VAT1L: variants seen among roughly 807,000 people sequenced by gnomAD.
VAT1L encodes vesicle amine transport 1 like.
VAT1L carries 34 observed loss-of-function variants against 44.1 expected under a neutral mutation model. The ratio of observed to expected loss-of-function variants is 0.77; its 90% confidence interval spans 0.59 to 1.03. VAT1L has a LOEUF of 1.03. Ranked by LOEUF, VAT1L falls within the 50% of genes least tolerant of loss-of-function variation. The pLI is 0.00. For missense variants in VAT1L, 615 were observed against 538.8 expected (o/e 1.14, Z -1.40); for synonymous variants, 253 against 202.2 (o/e 1.25, Z -2.13).
At chr16:77,866,588 C>G (rs1028510035) in intron 4 of VAT1L, among the ~76,000 whole-genome samples, 1 of 147,592 alleles carries the variant, frequency 6.8e-6, no homozygotes, top group South Asian at 2.1e-4. Context: ...GATATTGTTA[C>G]GCTATTAGGT....
At chr16:77,818,413 G>A (rs992491080) in intron 2 of VAT1L, among the ~76,000 whole-genome samples, 16 of 151,926 alleles carry the variant, frequency 1.1e-4, no homozygotes, top group African/African-American at 3.4e-4. Flanking sequence ...TCTTTTATAC[G>A]AATTTACATT....
chr16:77,959,128 C>T (rs7185055), intron 7 of VAT1L, among the ~76,000 whole-genome samples: 13,140 of 152,242 alleles, frequency 0.086, 659 homozygotes, highest in African/African-American at 0.12. Flanking sequence ...GTCACCTCCT[C>T]TGCCCCACCC....
At position 77,884,552 on chromosome 16, in the gene VAT1L, T is replaced by C. The variant is rs2017189126; in HGVS notation, c.883-56T>C. 2 of 1,556,406 alleles carry C rather than the reference T, an allele frequency of 1.3e-6. No individual in the cohort carries two copies. Among genetic ancestry groups the C allele is most frequent in the African/African-American group, 1.4e-5 (1 of 73,130 alleles). ...CTGATGACATCAGCAATGCTGCCAA[T>C]GTAGGCTTAACCCCGGTATTGAGTT... On this transcript the variant is annotated intron_variant, in intron 6 of 8. Transcript: ENST00000302536. This position sits in a 1 kb window ranked among gnomAD's most constrained non-coding sequence, Gnocchi z 4.5.
At chr16:77,859,964 T>G (rs1222848227) in intron 3 of VAT1L, among the ~76,000 whole-genome samples, 1 of 151,804 alleles carries the variant, frequency 6.6e-6, no homozygotes, top group African/African-American at 2.4e-5. Context: ...GGCAATCGAG[T>G]TAAATTGAGG....
At chr16:77,916,628 A>G (rs1220320455) in intron 7 of VAT1L, among the ~76,000 whole-genome samples, 1 of 152,166 alleles carries the variant, frequency 6.6e-6, no homozygotes, top group Non-Finnish European at 1.5e-5. Context: ...CTGAGCGTTA[A>G]AAATATACAT....
intron 3 of VAT1L, among the ~76,000 whole-genome samples, chr16:77,860,230 G>C (rs2016902385): frequency 6.6e-6 from 1 of 152,180 alleles, no homozygotes; most frequent in Non-Finnish European, 1.5e-5. Context: ...AAGCCACTGG[G>C]TCAGTAGAAC....
Position 77,933,621 on chromosome 16 carries a change from G to A in VAT1L, c.1078-38229G>A, listed in dbSNP as rs185950780. Among the ~76,000 whole-genome samples, 558 of 152,312 alleles carry A rather than the reference G, an allele frequency of 3.7e-3. 1 individual carries two copies. Among genetic ancestry groups the A allele is most frequent in the Non-Finnish European group, 6.3e-3 (426 of 68,020 alleles). ...GGGGAAGGCAGGTATTTTGAATAGG[G>A]GAGTCAGGCAAAGCCTGAAGAGGTG... On this transcript the variant is annotated intron_variant, in intron 7 of 8. Transcript: ENST00000302536.
intron 7 of VAT1L, among the ~76,000 whole-genome samples, chr16:77,919,641 A>T (rs1375114915): frequency 2.0e-5 from 3 of 152,198 alleles, no homozygotes; most frequent in Non-Finnish European, 4.4e-5. Context: ...GATGACTGTG[A>T]TAGAGAAGGA....
intron 7 of VAT1L, among the ~76,000 whole-genome samples, chr16:77,923,192 T>A (rs1192649474): frequency 6.6e-6 from 1 of 152,208 alleles, no homozygotes; most frequent in Non-Finnish European, 1.5e-5. Context: ...GGCTCACGCC[T>A]GTAATTGCAG....
chr16:77,956,667 T>A (rs1444664875), intron 7 of VAT1L, among the ~76,000 whole-genome samples: 1 of 152,208 alleles, frequency 6.6e-6, no homozygotes, highest in Non-Finnish European at 1.5e-5. Flanking sequence ...GAGCCTATAG[T>A]TTGCTCCTCC....
At chr16:77,802,666 A>G (rs1174951513) in intron 1 of VAT1L, among the ~76,000 whole-genome samples, 1 of 131,770 alleles carries the variant, frequency 7.6e-6, no homozygotes, top group Non-Finnish European at 1.6e-5. Context: ...ACACACACAC[A>G]CACTAAAGTT....
chr16:77,804,003 C>T (rs1022660848), intron 1 of VAT1L, among the ~76,000 whole-genome samples: 10 of 152,148 alleles, frequency 6.6e-5, no homozygotes, highest in African/African-American at 2.4e-4. Context: ...GACTCTTGTA[C>T]AGCCTCCTCT....
intron 7 of VAT1L, among the ~76,000 whole-genome samples, chr16:77,961,628 T>C (rs565903259): frequency 6.6e-6 from 1 of 152,306 alleles, no homozygotes; most frequent in South Asian, 2.1e-4. Flanking sequence ...TCATTCTTTC[T>C]CTTAAGCCCC....
intron 7 of VAT1L, among the ~76,000 whole-genome samples, chr16:77,946,170 G>C (rs920412477): frequency 1.7e-4 from 26 of 150,202 alleles, no homozygotes; most frequent in African/African-American, 6.1e-4. Context: ...TTTCCCTCTT[G>C]TACACTCATA....
At chr16:77,938,274 A>G (rs1160647575) in intron 7 of VAT1L, among the ~76,000 whole-genome samples, 1 of 152,222 alleles carries the variant, frequency 6.6e-6, no homozygotes, top group Non-Finnish European at 1.5e-5. Context: ...TCCTGATTCA[A>G]CAGATATTTA....
intron 2 of VAT1L, among the ~76,000 whole-genome samples, chr16:77,820,280 T>G (rs1567476965): frequency 6.6e-6 from 1 of 152,136 alleles, no homozygotes; most frequent in Non-Finnish European, 1.5e-5. Flanking sequence ...GTTTCCGTGA[T>G]TCTCCCTCTA....
chr16:77,933,615 A>T (rs1460164060), intron 7 of VAT1L, among the ~76,000 whole-genome samples: 1 of 152,230 alleles, frequency 6.6e-6, no homozygotes, highest in Non-Finnish European at 1.5e-5. Context: ...AGGTATTTTG[A>T]ATAGGGGAGT....
At chr16:77,877,512 C>CAAAAAAAAAAA (rs55704400) in intron 5 of VAT1L, among the ~76,000 whole-genome samples, 3 of 86,802 alleles carry the variant, frequency 3.5e-5, no homozygotes, top group Non-Finnish European at 5.0e-5. Context: ...GACTCTGTCT[C>CAAAAAAAAAAA]AAAAAAAAAA....
chr16:77,943,549 G>A (rs1421350562), intron 7 of VAT1L, among the ~76,000 whole-genome samples: 6 of 150,686 alleles, frequency 4.0e-5, no homozygotes, highest in South Asian at 2.1e-4. Flanking sequence ...ACAGGTGCCC[G>A]CCACCACACC....
Sources: gnomAD v4.1 joint callset for allele counts (sites outside exome capture counted in the v4.1 genomes callset) on GRCh38, gnomAD v4.1.1 for gene constraint, Gnocchi (gnomAD v3.1) non-coding constraint, MANE v1.5 for transcripts, NCBI Gene and HGNC (gene_info 2026-07-23, HGNC 2026-07-21) for gene names.